The following KCNT1 variants were observed in gnomAD, a reference collection of about 807,000 sequenced individuals.
The protein encoded by KCNT1 is potassium channel subfamily T member 1.
In KCNT1, 78 loss-of-function variants were observed where a neutral mutation model predicts 147.8. The ratio of observed to expected loss-of-function variants is 0.53; its 90% CI spans 0.44 to 0.64. The LOEUF (loss-of-function observed/expected upper bound fraction) is 0.64. KCNT1 is among the 30% of genes least tolerant of loss of function. KCNT1 has a pLI of 0.00. For synonymous variants in KCNT1, 867 were observed against 748.8 expected (o/e 1.16, Z -2.58); for missense variants, 1,419 against 1,750.3 (o/e 0.81, Z 3.38).
At chr9:135,769,180 C>T (rs572232433) in intron 15 of KCNT1, among the ~76,000 whole-genome samples, 3 of 132,562 alleles carry the variant, frequency 2.3e-5, no homozygotes, top group East Asian at 2.2e-4. Flanking sequence ...TGGGGCAGGG[C>T]GCGTGTGCAC....
intron 11 of KCNT1, among the ~76,000 whole-genome samples, chr9:135,761,860 G>T (rs1270040664): frequency 6.6e-6 from 1 of 152,198 alleles, no homozygotes; most frequent in Non-Finnish European, 1.5e-5. Context: ...GCCACACGCA[G>T]CTCCACCTTC....
intron 2 of KCNT1, among the ~76,000 whole-genome samples, chr9:135,743,641 C>T (rs530825306): frequency 6.6e-6 from 1 of 152,342 alleles, no homozygotes; most frequent in Non-Finnish European, 1.5e-5. Flanking sequence ...CTGGCCCCAC[C>T]CCAGGCTCCC....
At chr9:135,716,456 A>T (rs1835725552) in intron 2 of KCNT1, among the ~76,000 whole-genome samples, 2 of 152,156 alleles carry the variant, frequency 1.3e-5, no homozygotes, top group Admixed American at 6.5e-5. Context: ...GTGGTTTTTT[A>T]AAATTGTGGT....
In KCNT1 at chr9:135,759,798, G is replaced by A. The variant is rs766769184; in HGVS notation, c.974G>A (p.Trp325Ter). ...VGYGDVTPKI[W>*]PSQLLVVIMI... ...TACGGTGACGTCACGCCCAAGATCT[G>A]GCCATCGCAGCTGCTGGTGGTCATC... The change falls in exon 11 of 31, where the codon TGG (tryptophan) becomes TAG (stop). Residue 325 changes from tryptophan (W) to a stop codon, truncating the protein, a stop_gained. Coordinates refer to ENST00000371757, the MANE Select transcript of KCNT1 (RefSeq NM_020822.3). LOFTEE classifies it high-confidence loss of function. 6.2e-7 allele frequency: 1 copy of A among 1,613,410 alleles called. No individual in the cohort carries two copies. The highest frequency in any genetic ancestry group is 8.5e-7 in the Non-Finnish European group (1 of 1,179,818).
intron 5 of KCNT1, among the ~76,000 whole-genome samples, chr9:135,754,295 A>G (rs1345374656): frequency 2.0e-5 from 3 of 152,190 alleles, no homozygotes; most frequent in East Asian, 1.9e-4. Context: ...GCTGTGGTCA[A>G]TGCTGGGAAT....
chr9:135,787,578 G>A (rs1367167759), intron 29 of KCNT1, among the ~76,000 whole-genome samples: 3 of 152,212 alleles, frequency 2.0e-5, no homozygotes, highest in Non-Finnish European at 4.4e-5. Flanking sequence ...GCTCACGGCT[G>A]GCCCAGGAGC....
At chr9:135,786,176 G>C in intron 28 of KCNT1, 21 bp from the exon 29 acceptor site, 1 of 1,212,180 alleles carries the variant, frequency 8.2e-7, no homozygotes. Context: ...TCCCCGCCCT[G>C]CCCTGCCCTG....
In KCNT1 at chr9:135,755,186, G is replaced by GC. The variant is rs759524379; in HGVS notation, c.540+23dup. On this transcript the variant is annotated intron_variant, in intron 6 of 30. Transcript: ENST00000371757. ...GCGATCCAGGTGAGTGCCCTACCCTGCCCCCCTCCCGACTGCAGTGGTGCT... is the reference window on the plus strand; with the variant it reads ...GCGATCCAGGTGAGTGCCCTACCCTGCCCCCCCTCCCGACTGCAGTGGTGCT... The GC allele has an allele frequency of 4.4e-6, 7 of 1,603,156 alleles. No individual in the cohort carries two copies. Among genetic ancestry groups the GC allele is most frequent in the Non-Finnish European group, 6.0e-6 (7 of 1,175,170 alleles).
At chr9:135,742,646 C>A in intron 2 of KCNT1, 1 of 681,912 alleles carries the variant, frequency 1.5e-6, no homozygotes, top group South Asian at 1.6e-5. Context: ...CCCGCCTGGT[C>A]CCAGAGCCCA....
chr9:135,786,608 C>T (rs1834072560), intron 29 of KCNT1, 87 bp downstream of exon 29: 10 of 1,276,854 alleles, frequency 7.8e-6, no homozygotes, highest in African/African-American at 3.2e-5. Flanking sequence ...CACGGCGTCC[C>T]GGGGCCCGGG....
rs771169945 is a variant in KCNT1, at chr9:135,757,340, C to T, written c.718C>T (p.Leu240=). 3 of 1,611,482 alleles carry T rather than the reference C, an allele frequency of 1.9e-6. No individual in the cohort carries two copies. Among genetic ancestry groups the T allele is most frequent in the Non-Finnish European group, 2.5e-6 (3 of 1,180,000 alleles). The stretch of plus-strand genomic sequence containing the variant: ...GCGGAACCTGTTCATCCCCGTCTTT[C>T]TGAACTGCTGGCTGGCCAAGCACGC... ...PLRNLFIPVF[L]NCWLAKHALE... The change falls in exon 9 of 31, where the codon CTG becomes TTG. Residue 240 remains leucine, a synonymous_variant. Coordinates refer to ENST00000371757, the MANE Select transcript of KCNT1 (RefSeq NM_020822.3).
In KCNT1 at chr9:135,787,925, CCA is replaced by C. The variant is rs1448598083; in HGVS notation, c.3502+1405_3502+1406del. 2.0e-5 allele frequency among the ~76,000 whole-genome samples: 3 copies of C among 152,350 alleles called. No individual in the cohort carries two copies. The East Asian group carries it at 5.8e-4, about 29-fold the overall frequency. The stretch of plus-strand genomic sequence containing the variant: ...CTGCCTCTGCGACCGCTGCCTGCCC[CCA>C]GAGCTTGGCAAGGAAGGAGCAACTG... On this transcript the variant is annotated intron_variant, in intron 29 of 30. Coordinates refer to ENST00000371757, the MANE Select transcript of KCNT1 (RefSeq NM_020822.3).
intron 2 of KCNT1, among the ~76,000 whole-genome samples, chr9:135,724,065 C>T (rs1310796276): frequency 1.3e-5 from 2 of 152,222 alleles, no homozygotes; most frequent in Non-Finnish European, 2.9e-5. Context: ...TCCTGCTTTC[C>T]CCTCTGAATT....
chr9:135,738,685 G>T (rs936271010), intron 2 of KCNT1, among the ~76,000 whole-genome samples: 1 of 152,120 alleles, frequency 6.6e-6, no homozygotes, highest in East Asian at 1.9e-4. Flanking sequence ...AGGCGTTGTC[G>T]GGGGAGGGCA....
intron 2 of KCNT1, among the ~76,000 whole-genome samples, chr9:135,739,818 A>G (rs2131378892): frequency 6.6e-6 from 1 of 152,238 alleles, no homozygotes; most frequent in Middle Eastern, 3.4e-3. Context: ...CGGCTGGTTT[A>G]TCCTTGACCC....
At chr9:135,779,565 G>A in intron 24 of KCNT1, 95 bp downstream of exon 24, 1 of 936,564 alleles carries the variant, frequency 1.1e-6, no homozygotes, top group Admixed American at 1.9e-5. Context: ...GCCATGGGAG[G>A]CTGGGCTCCT....
rs546006344 is a variant in KCNT1, at chr9:135,714,785, G to A, written c.254+65G>A. 1,169 of 1,109,882 alleles carry A rather than the reference G, an allele frequency of 1.1e-3. 6 individuals are homozygous for A. The African/African-American group carries it at 0.014, about 14-fold the overall frequency. 68.8% of individuals were successfully genotyped at this position (1,109,882 alleles called of 1,614,324 possible). ...CCGGCGCCGCCGCACGCCCGGAGCT[G>A]TCCGCGGTGCTGACGGCCGGTCCCG... is the stretch of plus-strand genomic sequence containing the variant. On this transcript the variant is annotated intron_variant, in intron 2 of 30. Coordinates refer to ENST00000371757, the MANE Select transcript of KCNT1 (RefSeq NM_020822.3). The surrounding 1 kb of genome is among the most constrained non-coding windows in gnomAD (Gnocchi z 6.2).
intron 24 of KCNT1, among the ~76,000 whole-genome samples, chr9:135,782,131 G>A (rs911350326): frequency 6.6e-6 from 1 of 152,210 alleles, no homozygotes; most frequent in Non-Finnish European, 1.5e-5. Flanking sequence ...TTGAACCCGG[G>A]ATGCAGAGGT....
At chr9:135,758,338 CCTT>C (rs1222244757) in intron 9 of KCNT1, 73 bp from the exon 10 acceptor site, 7 of 1,140,532 alleles carry the variant, frequency 6.1e-6, no homozygotes, top group Middle Eastern at 1.9e-4. Context: ...TTTCCACTGT[CCTT>C]CTAGTCTCTA....
Sources: gnomAD v4.1 joint callset for allele counts (sites outside exome capture counted in the v4.1 genomes callset) on GRCh38, gnomAD v4.1.1 for gene constraint, Gnocchi (gnomAD v3.1) non-coding constraint, MANE v1.5 for transcripts, NCBI Gene and HGNC (gene_info 2026-07-23, HGNC 2026-07-21) for gene names.